Variants in TBC1D14 observed in about 807,000 individuals in gnomAD.
TBC1D14 encodes the protein TBC1 domain family, member 14.
Under a neutral mutation model 79.0 loss-of-function variants are expected in TBC1D14, and 26 were observed. The observed-to-expected ratio is 0.33, with a 90% CI of 0.24 to 0.46. The LOEUF is 0.46. Among genes scored for constraint, TBC1D14 ranks in the 20% least tolerant of loss-of-function variants. The probability of loss-of-function intolerance (pLI) is 1.00; values close to 1 mark genes in which losing one functional copy is unlikely to be tolerated. For synonymous variants in TBC1D14, 394 were observed against 349.9 expected, an observed-to-expected ratio of 1.13 and a Z score of -1.40; for missense variants, 769 against 887.6, an observed-to-expected ratio of 0.87 and a Z score of 1.70.
intron 3 of TBC1D14, among the ~76,000 whole-genome samples, chr4:6,971,379 G>T (rs1400935602): frequency 6.6e-6 from 1 of 152,226 alleles, no homozygotes; most frequent in African/African-American, 2.4e-5. Flanking sequence ...CCGATTTGTG[G>T]TGTTGATCCC....
intron 2 of TBC1D14, among the ~76,000 whole-genome samples, chr4:6,948,707 G>GT (rs71173474): frequency 0.21 from 28,564 of 135,250 alleles, 3,205 homozygotes; most frequent in African/African-American, 0.28. Context: ...GGGGTACTTG[G>GT]TTTTTTTTTT....
At position 7,030,515 on chromosome 4, in the gene TBC1D14, CTG is replaced by C. The variant is rs1722952068; in HGVS notation, c.*124_*125del. On this transcript the variant is annotated 3_prime_UTR_variant, in exon 14 of 14. Coordinates refer to ENST00000409757, the MANE Select transcript of TBC1D14 (RefSeq NM_020773.3). ...CGCTCTTTAAGTTTGATTCCTAACACTGGAGTTGGCCTTAAACAAAACAAACA... is the reference window on the plus strand; with the variant it reads ...CGCTCTTTAAGTTTGATTCCTAACACGAGTTGGCCTTAAACAAAACAAACA... The C allele has an allele frequency of 1.0e-6, 1 of 965,042 alleles. No homozygotes were observed. Among genetic ancestry groups the C allele is most frequent in the Admixed American group, 2.2e-5 (1 of 45,926 alleles). 59.8% of individuals were successfully genotyped at this position (965,042 alleles called of 1,614,324 possible). A position where few individuals can be genotyped will look rare whatever the true frequency, so the allele number is the denominator to read the frequency against.
intron 2 of TBC1D14, among the ~76,000 whole-genome samples, chr4:6,955,369 C>T (rs890674015): frequency 6.6e-6 from 1 of 152,186 alleles, no homozygotes; most frequent in Non-Finnish European, 1.5e-5. Flanking sequence ...CGCTGGGCCT[C>T]GGTGTCCTGT....
At chr4:6,947,830 C>T (rs1713632399) in intron 2 of TBC1D14, among the ~76,000 whole-genome samples, 2 of 152,078 alleles carry the variant, frequency 1.3e-5, no homozygotes, top group South Asian at 4.1e-4. Context: ...TCAGTGGAGA[C>T]GTTCGTGGCA....
chr4:6,981,931 T>C (rs956225393), intron 3 of TBC1D14, among the ~76,000 whole-genome samples: 3 of 152,226 alleles, frequency 2.0e-5, no homozygotes, highest in Non-Finnish European at 2.9e-5. Context: ...GGAGAAAGAC[T>C]GAAGGCCTTC....
intron 3 of TBC1D14, among the ~76,000 whole-genome samples, chr4:6,985,751 A>G (rs1413090462): frequency 2.0e-5 from 3 of 152,262 alleles, no homozygotes; most frequent in African/African-American, 7.2e-5. Flanking sequence ...GTGCCCAGGA[A>G]TTAATTGAAA....
intron 3 of TBC1D14, among the ~76,000 whole-genome samples, chr4:6,972,891 A>G (rs1716341632): frequency 6.6e-6 from 1 of 152,214 alleles, no homozygotes; most frequent in Admixed American, 6.5e-5. Flanking sequence ...AGCAGGTGTC[A>G]GAGGCTCAGG....
intron 3 of TBC1D14, among the ~76,000 whole-genome samples, chr4:6,975,761 TAGAGG>T (rs1186215158): frequency 6.6e-6 from 1 of 151,896 alleles, no homozygotes. Context: ...ATGGAGATGG[TAGAGG>T]AAAGAGTGAA....
At chr4:7,000,447 G>A (rs1719546704) in intron 6 of TBC1D14, among the ~76,000 whole-genome samples, 1 of 152,194 alleles carries the variant, frequency 6.6e-6, no homozygotes, top group Non-Finnish European at 1.5e-5. Context: ...TCATTTGTCC[G>A]GATTCCACAG....
intron 1 of TBC1D14, among the ~76,000 whole-genome samples, chr4:6,922,542 A>C (rs1388796834): frequency 6.6e-6 from 1 of 152,176 alleles, no homozygotes; most frequent in Admixed American, 6.5e-5. Context: ...CGTAGATGTG[A>C]GTAAGCGTGA....
At chr4:6,954,598 G>C (rs1714451552) in intron 2 of TBC1D14, among the ~76,000 whole-genome samples, 1 of 43,560 alleles carries the variant, frequency 2.3e-5, no homozygotes, top group African/African-American at 8.6e-5. Context: ...TGGATATTCT[G>C]TTTTTAAGGA....
chr4:6,997,499 G>T (rs925179367), intron 5 of TBC1D14, among the ~76,000 whole-genome samples: 1 of 152,134 alleles, frequency 6.6e-6, no homozygotes, highest in African/African-American at 2.4e-5. Flanking sequence ...GGTGGCACAT[G>T]CCTGTAGTCC....
chr4:6,969,793 A>C (rs1213162374), intron 3 of TBC1D14, among the ~76,000 whole-genome samples: 1 of 151,686 alleles, frequency 6.6e-6, no homozygotes, highest in Non-Finnish European at 1.5e-5. Flanking sequence ...TGACTAGGCC[A>C]GTTCATTATG....
chr4:7,018,662 C>A (rs1312598618), intron 12 of TBC1D14, among the ~76,000 whole-genome samples: 1 of 152,238 alleles, frequency 6.6e-6, no homozygotes, highest in African/African-American at 2.4e-5. Context: ...TGAGGGTTCG[C>A]TGTCCTTCCA....
intron 7 of TBC1D14, chr4:7,001,461 C>T: frequency 1.9e-6 from 1 of 528,084 alleles, no homozygotes; most frequent in Non-Finnish European, 3.4e-6. Context: ...AGCGCAGGAG[C>T]TCTTGAATAG....
At chr4:7,029,069 G>T (rs1343298592) in intron 13 of TBC1D14, among the ~76,000 whole-genome samples, 1 of 151,028 alleles carries the variant, frequency 6.6e-6, no homozygotes, top group Non-Finnish European at 1.5e-5. Context: ...CAAACTCCTG[G>T]GCCCAAGTGA....
intron 12 of TBC1D14, among the ~76,000 whole-genome samples, chr4:7,019,005 C>T (rs1721550523): frequency 6.6e-6 from 1 of 152,122 alleles, no homozygotes; most frequent in African/African-American, 2.4e-5. Context: ...CTGTCATTGC[C>T]TGGAGTTTCC....
chr4:7,024,055 C>T (rs535239288), intron 12 of TBC1D14, among the ~76,000 whole-genome samples: 13 of 152,346 alleles, frequency 8.5e-5, no homozygotes, highest in East Asian at 3.9e-4. Flanking sequence ...TGCATGTCCT[C>T]GGGACCTGGA....
At chr4:7,027,737 T>C (rs1423617017) in intron 13 of TBC1D14, among the ~76,000 whole-genome samples, 7 of 71,080 alleles carry the variant, frequency 9.8e-5, no homozygotes, top group Non-Finnish European at 1.3e-4. Context: ...CCCCCACACA[T>C]CACACACCCA....
Sources: allele counts gnomAD v4.1 joint callset (sites outside exome capture counted in the v4.1 genomes callset), GRCh38; gene constraint gnomAD v4.1.1; transcripts MANE v1.5; gene names NCBI Gene and HGNC (gene_info 2026-07-23, HGNC 2026-07-21).